The following MAP3K5 variants were observed in gnomAD, a reference collection of about 807,000 sequenced individuals.
The protein encoded by MAP3K5 is ASK-1.
MAP3K5 carries 56 observed loss-of-function variants against 158.7 expected under a neutral mutation model. That is an observed-to-expected ratio of 0.35 (90% CI 0.28 to 0.44). The LOEUF (loss-of-function observed/expected upper bound fraction) is 0.44. MAP3K5 is among the 20% of genes least tolerant of loss of function. The pLI is 1.00. For synonymous variants in MAP3K5, 579 were observed against 601.7 expected (o/e 0.96, Z 0.55); for missense variants, 1,294 against 1,674.8 (o/e 0.77, Z 3.97).
At chr6:136,656,256 G>C (rs1442126855) in intron 10 of MAP3K5, 51 bp downstream of exon 10, 1 of 1,532,350 alleles carries the variant, frequency 6.5e-7, no homozygotes, top group Non-Finnish European at 9.0e-7. Context: ...CACAGTACAA[G>C]ATGTTCTTTA....
intron 2 of MAP3K5, among the ~76,000 whole-genome samples, chr6:136,717,819 C>T (rs998630711): frequency 1.3e-5 from 2 of 152,098 alleles, no homozygotes; most frequent in Non-Finnish European, 2.9e-5. Context: ...ATATTTCTGT[C>T]CTCTGCAACC....
intron 8 of MAP3K5, among the ~76,000 whole-genome samples, chr6:136,662,583 TTCTC>T (rs1372132666): frequency 6.6e-6 from 1 of 151,540 alleles, no homozygotes; most frequent in Non-Finnish European, 1.5e-5. Context: ...TCCTCTCTCT[TTCTC>T]TCTCACACCC....
Position 136,562,507 on chromosome 6 carries a change from G to A in MAP3K5, c.3870C>T (p.Pro1290=). The change falls in exon 27 of 30, where the codon CCC becomes CCT. Residue 1290 remains proline (P), a synonymous_variant. Coordinates refer to ENST00000359015, the MANE Select transcript of MAP3K5 (RefSeq NM_005923.4). ...ATAAAACTTTCTGCTATTCACCTAT[G>A]GGTTGGGACTTAAGCTTCAGGTGTT... ...EIKHLKLKSQ[P]IEIPELPVFH... is the part of the protein sequence containing the mutation. The A allele has an allele frequency of 1.9e-6, 3 of 1,554,678 alleles. No individual in the cohort carries two copies. Among genetic ancestry groups the A allele is most frequent in the Non-Finnish European group, 2.6e-6 (3 of 1,138,312 alleles).
intron 14 of MAP3K5, among the ~76,000 whole-genome samples, chr6:136,629,745 C>T (rs902776526): frequency 5.3e-5 from 8 of 151,150 alleles, no homozygotes; most frequent in African/African-American, 1.5e-4. Flanking sequence ...TGAGCCATGG[C>T]GCCCGGCCAT....
chr6:136,682,708 C>T (rs756815850), intron 7 of MAP3K5, among the ~76,000 whole-genome samples: 1 of 152,146 alleles, frequency 6.6e-6, no homozygotes, highest in Non-Finnish European at 1.5e-5. Flanking sequence ...TAATACAGTA[C>T]AAGCACCTAA....
chr6:136,702,764 C>T (rs565567359), intron 3 of MAP3K5, among the ~76,000 whole-genome samples: 2 of 152,260 alleles, frequency 1.3e-5, no homozygotes, highest in African/African-American at 2.4e-5. Flanking sequence ...GACATGATCT[C>T]GGCTCACTGC....
intron 1 of MAP3K5, among the ~76,000 whole-genome samples, chr6:136,775,405 T>C (rs1310504388): frequency 6.6e-6 from 1 of 152,186 alleles, no homozygotes; most frequent in Non-Finnish European, 1.5e-5. Context: ...CTAGTCCAGG[T>C]CTCAAATTAG....
intron 11 of MAP3K5, among the ~76,000 whole-genome samples, chr6:136,646,683 T>C (rs1245380323): frequency 6.6e-6 from 1 of 152,266 alleles, no homozygotes; most frequent in African/African-American, 2.4e-5. Flanking sequence ...ATAATGTTCA[T>C]GTCTCCTAAC....
chr6:136,582,684 A>C (rs1335986502), intron 24 of MAP3K5, among the ~76,000 whole-genome samples: 1 of 152,246 alleles, frequency 6.6e-6, no homozygotes, highest in African/African-American at 2.4e-5. Context: ...TGCAAATAAA[A>C]TTGTCAACAC....
intron 3 of MAP3K5, among the ~76,000 whole-genome samples, chr6:136,704,008 C>T (rs1780963466): frequency 6.6e-6 from 1 of 152,190 alleles, no homozygotes; most frequent in Admixed American, 6.5e-5. Context: ...ATTGGCCTAA[C>T]AAGGCTGTTT....
At chr6:136,623,041 A>C (rs1275544817) in intron 14 of MAP3K5, 60 bp from the exon 15 acceptor site, 1 of 1,556,968 alleles carries the variant, frequency 6.4e-7, no homozygotes, top group Non-Finnish European at 8.8e-7. Context: ...CATTTCAAAC[A>C]TCAAATTTTT....
At chr6:136,679,517 AC>A (rs1779844438) in intron 7 of MAP3K5, among the ~76,000 whole-genome samples, 1 of 152,226 alleles carries the variant, frequency 6.6e-6, no homozygotes, top group African/African-American at 2.4e-5. Flanking sequence ...ATGTGAAGAA[AC>A]TAATGCTGAA....
chr6:136,596,189 C>T (rs1442409867), intron 21 of MAP3K5, among the ~76,000 whole-genome samples: 1 of 152,022 alleles, frequency 6.6e-6, no homozygotes, highest in Admixed American at 6.6e-5. Flanking sequence ...AGGGGATGAA[C>T]AGGCAGCCAA....
At chr6:136,776,763 T>G (rs1784417636) in intron 1 of MAP3K5, among the ~76,000 whole-genome samples, 1 of 152,220 alleles carries the variant, frequency 6.6e-6, no homozygotes, top group Non-Finnish European at 1.5e-5. Context: ...ACTAACACAA[T>G]GGTCCTGTAA....
At chr6:136,604,783 A>C (rs1450078633) in intron 19 of MAP3K5, among the ~76,000 whole-genome samples, 1 of 152,176 alleles carries the variant, frequency 6.6e-6, no homozygotes, top group Admixed American at 6.5e-5. Context: ...TTTTTAAAAA[A>C]AATGAAGCCT....
At chr6:136,678,869 C>G (rs1387206564) in intron 7 of MAP3K5, among the ~76,000 whole-genome samples, 1 of 151,924 alleles carries the variant, frequency 6.6e-6, no homozygotes, top group Non-Finnish European at 1.5e-5. Flanking sequence ...GGGACTACAG[C>G]CATGTGCCAC....
intron 10 of MAP3K5, among the ~76,000 whole-genome samples, chr6:136,652,767 C>T (rs1004570537): frequency 6.6e-6 from 1 of 152,136 alleles, no homozygotes; most frequent in African/African-American, 2.4e-5. Flanking sequence ...AACTATGTGT[C>T]CCTAACTTGA....
intron 26 of MAP3K5, among the ~76,000 whole-genome samples, chr6:136,566,197 T>A (rs1774102915): frequency 6.6e-6 from 1 of 152,076 alleles, no homozygotes; most frequent in African/African-American, 2.4e-5. Flanking sequence ...GGAAAAGGAC[T>A]TGTGTCTAGG....
intron 23 of MAP3K5, among the ~76,000 whole-genome samples, chr6:136,589,003 T>A (rs1437212424): frequency 6.6e-6 from 1 of 152,214 alleles, no homozygotes; most frequent in Non-Finnish European, 1.5e-5. Context: ...GGCACATATA[T>A]GGCCTTTCAG....
Sources: allele counts gnomAD v4.1 joint callset (sites outside exome capture counted in the v4.1 genomes callset), GRCh38; gene constraint gnomAD v4.1.1; transcripts MANE v1.5; gene names NCBI Gene and HGNC (gene_info 2026-07-23, HGNC 2026-07-21).